Variants in RIPOR3 observed in about 807,000 individuals in gnomAD.
The protein encoded by RIPOR3 is RIPOR family member 3.
In RIPOR3, 95 loss-of-function variants were observed where a neutral mutation model predicts 114.3. The ratio of observed to expected loss-of-function variants is 0.83; its 90% CI spans 0.70 to 0.99. The LOEUF is 0.99. Among genes scored for constraint, RIPOR3 ranks in the 50% least tolerant of loss-of-function variants. The pLI is 0.00. For synonymous variants in RIPOR3, 575 were observed against 543.8 expected (o/e 1.06, Z -0.80); for missense variants, 1,252 against 1,266.9 (o/e 0.99, Z 0.18).
chr20:50,595,266 G>A (rs186917079), intron 16 of RIPOR3, 103 bp downstream of exon 16: 27 of 1,467,004 alleles, frequency 1.8e-5, no homozygotes, highest in Admixed American at 3.6e-5. Flanking sequence ...TCTGGGCCCC[G>A]ATTAACTCTG....
At chr20:50,630,065 T>C (rs1256348597) in intron 2 of RIPOR3, among the ~76,000 whole-genome samples, 1 of 152,116 alleles carries the variant, frequency 6.6e-6, no homozygotes, top group Non-Finnish European at 1.5e-5. Flanking sequence ...CCTCCTGGGT[T>C]CAAATAATCC....
intron 15 of RIPOR3, 101 bp downstream of exon 15, chr20:50,596,039 G>C (rs1318282141): frequency 1.3e-6 from 2 of 1,529,126 alleles, no homozygotes; most frequent in African/African-American, 2.7e-5. Context: ...ATGCAGGTCT[G>C]TCACCCCTTC....
intron 1 of RIPOR3, among the ~76,000 whole-genome samples, chr20:50,670,082 G>A (rs534142513): frequency 2.6e-5 from 4 of 151,228 alleles, no homozygotes; most frequent in East Asian, 1.9e-4. Flanking sequence ...ACTTGAACCC[G>A]GGAGGCGGAG....
At chr20:50,615,204 C>T (rs1188869543) in intron 4 of RIPOR3, among the ~76,000 whole-genome samples, 1 of 148,870 alleles carries the variant, frequency 6.7e-6, no homozygotes, top group Admixed American at 6.8e-5. Context: ...GAGCCTTGGG[C>T]AACACAGGGC....
At chr20:50,659,223 G>A (rs919179284) in intron 1 of RIPOR3, among the ~76,000 whole-genome samples, 9 of 152,192 alleles carry the variant, frequency 5.9e-5, no homozygotes, top group Non-Finnish European at 7.3e-5. Flanking sequence ...TTTTCCACCT[G>A]ATGGTGGACA....
intron 4 of RIPOR3, among the ~76,000 whole-genome samples, chr20:50,613,834 C>T (rs2084059629): frequency 1.3e-5 from 2 of 152,270 alleles, no homozygotes; most frequent in East Asian, 3.9e-4. Flanking sequence ...CACCTTCTCC[C>T]ACCATCTGCT....
intron 1 of RIPOR3, among the ~76,000 whole-genome samples, chr20:50,649,761 C>A (rs955982415): frequency 2.6e-5 from 4 of 152,202 alleles, no homozygotes; most frequent in African/African-American, 7.2e-5. Flanking sequence ...GGGAAGCGCT[C>A]CCTGAGGGCT....
At chr20:50,626,233 G>A (rs1301847510) in intron 2 of RIPOR3, among the ~76,000 whole-genome samples, 1 of 152,276 alleles carries the variant, frequency 6.6e-6, no homozygotes, top group Non-Finnish European at 1.5e-5. Flanking sequence ...CCCCGTCGGT[G>A]TGGGCAGCTT....
At chr20:50,677,859 G>A (rs536306588) in intron 1 of RIPOR3, among the ~76,000 whole-genome samples, 2 of 151,414 alleles carry the variant, frequency 1.3e-5, no homozygotes, top group African/African-American at 4.9e-5. Context: ...TAGTAGAGAC[G>A]GGGTTTCACC....
chr20:50,600,686 G>A (rs550745386), intron 13 of RIPOR3, among the ~76,000 whole-genome samples: 2 of 152,320 alleles, frequency 1.3e-5, no homozygotes, highest in East Asian at 1.9e-4. Context: ...TGTGATCCCA[G>A]GAGGCAGAGG....
intron 16 of RIPOR3, 114 bp downstream of exon 16, chr20:50,595,255 C>G: frequency 7.1e-7 from 1 of 1,408,056 alleles, no homozygotes; most frequent in South Asian, 1.3e-5. Flanking sequence ...ACAGCCTCCA[C>G]TCTGGGCCCC....
chr20:50,599,609 C>T (rs2122957014), intron 13 of RIPOR3, among the ~76,000 whole-genome samples: 1 of 152,148 alleles, frequency 6.6e-6, no homozygotes, highest in South Asian at 2.1e-4. Context: ...AGCACAAAAA[C>T]TTGAAAAACA....
chr20:50,647,131 C>G (rs2085427112), intron 1 of RIPOR3, among the ~76,000 whole-genome samples: 1 of 152,092 alleles, frequency 6.6e-6, no homozygotes, highest in African/African-American at 2.4e-5. Flanking sequence ...ACCAGCTTGG[C>G]CAACATGGCA....
rs889042049 is a variant in RIPOR3, at chr20:50,594,571, G to T, written c.2194C>A (p.Pro732Thr). 1.5e-5 allele frequency: 25 copies of T among 1,613,958 alleles called. No individual in the cohort carries two copies. Among genetic ancestry groups the T allele is most frequent in the Non-Finnish European group, 2.0e-5 (24 of 1,180,004 alleles). ...TFQHRVRGKYPGQLEIACRRL... is the reference protein window; with the variant it reads ...TFQHRVRGKYTGQLEIACRRL... ...AACCCACCTATTTCCAGCTGTCCTG[G>T]GTACTTCCCTCTGACTCTGTGCTGG... The change falls in exon 17 of 22, where the codon CCA becomes ACA. Residue 732 changes from proline to threonine, a missense_variant. Coordinates refer to ENST00000327979, the MANE Select transcript of RIPOR3 (RefSeq NM_001290268.2).
intron 21 of RIPOR3, 33 bp from the exon 22 acceptor site, chr20:50,587,365 G>T: frequency 6.3e-7 from 1 of 1,591,150 alleles, no homozygotes; most frequent in Non-Finnish European, 8.6e-7. Flanking sequence ...CAGCGGGTTG[G>T]ATCCTGCCTT....
intron 1 of RIPOR3, among the ~76,000 whole-genome samples, chr20:50,649,149 G>A (rs112602718): frequency 0.021 from 3,178 of 152,148 alleles, 121 homozygotes; most frequent in African/African-American, 0.073. Flanking sequence ...AGGATATGAC[G>A]GTATTGAATT....
intron 1 of RIPOR3, among the ~76,000 whole-genome samples, chr20:50,643,948 C>T (rs1317116870): frequency 6.6e-6 from 1 of 151,702 alleles, no homozygotes; most frequent in Non-Finnish European, 1.5e-5. Context: ...CTCCTGACCT[C>T]GTGATCCGCC....
chr20:50,665,459 C>T (rs1421809462), intron 1 of RIPOR3, among the ~76,000 whole-genome samples: 2 of 145,452 alleles, frequency 1.4e-5, no homozygotes, highest in Non-Finnish European at 3.0e-5. Flanking sequence ...CTCGCCCTGT[C>T]GCCCAGGCTG....
chr20:50,611,822 C>CTATA (rs2083989252), intron 4 of RIPOR3, among the ~76,000 whole-genome samples: 1 of 152,170 alleles, frequency 6.6e-6, no homozygotes, highest in Admixed American at 6.5e-5. Flanking sequence ...ATGCCAAGAT[C>CTATA]TATAAAGTAG....
Sources: gnomAD v4.1 joint callset for allele counts (sites outside exome capture counted in the v4.1 genomes callset) on GRCh38, gnomAD v4.1.1 for gene constraint, MANE v1.5 for transcripts, NCBI Gene and HGNC (gene_info 2026-07-23, HGNC 2026-07-21) for gene names.